Variants in MGAT4C observed in about 807,000 individuals in gnomAD.
The protein encoded by MGAT4C is MGAT4 family member C.
In MGAT4C, 19 loss-of-function variants were observed where a neutral mutation model predicts 40.1. The ratio of observed to expected loss-of-function variants is 0.47; its 90% CI spans 0.33 to 0.70. The LOEUF is 0.70. Ranked by LOEUF, MGAT4C falls within the 30% of genes least tolerant of loss-of-function variation. The probability of loss-of-function intolerance (pLI) is 0.02; values close to 1 mark genes in which losing one functional copy is unlikely to be tolerated. For synonymous variants in MGAT4C, 181 were observed against 187.1 expected, an observed-to-expected ratio of 0.97 and a Z score of 0.27; for missense variants, 491 against 563.2, an observed-to-expected ratio of 0.87 and a Z score of 1.30.
chr12:86,720,846 G>C (rs1318906703), intron 2 of MGAT4C, among the ~76,000 whole-genome samples: 2 of 152,136 alleles, frequency 1.3e-5, no homozygotes, highest in African/African-American at 2.4e-5. Flanking sequence ...TAATTAAAAT[G>C]AATCCTCTCA....
chr12:86,142,474 C>T (rs1882963919), intron 1 of MGAT4C, among the ~76,000 whole-genome samples: 1 of 152,140 alleles, frequency 6.6e-6, no homozygotes, highest in African/African-American at 2.4e-5. Context: ...AGGTATTTTA[C>T]ATCAGAATCT....
chr12:86,762,008 G>A (rs1951415576), intron 1 of MGAT4C, among the ~76,000 whole-genome samples: 1 of 151,644 alleles, frequency 6.6e-6, no homozygotes, highest in South Asian at 2.1e-4. Flanking sequence ...TGAGTCCTCT[G>A]CTCAGGGTCT....
At chr12:86,154,788 T>C (rs1362418185) in intron 1 of MGAT4C, among the ~76,000 whole-genome samples, 1 of 152,216 alleles carries the variant, frequency 6.6e-6, no homozygotes, top group Non-Finnish European at 1.5e-5. Flanking sequence ...ACTTCATCTG[T>C]ATCAATTTTT....
intron 2 of MGAT4C, among the ~76,000 whole-genome samples, chr12:86,031,233 C>G (rs1198616601): frequency 6.6e-6 from 1 of 151,732 alleles, no homozygotes; most frequent in Admixed American, 6.6e-5. Flanking sequence ...CTAATAATAA[C>G]TGAGTGAATA....
intron 3 of MGAT4C, among the ~76,000 whole-genome samples, chr12:86,363,772 GA>G (rs1445339644): frequency 2.0e-5 from 3 of 151,414 alleles, no homozygotes; most frequent in Non-Finnish European, 4.4e-5. Flanking sequence ...GAGAAATAGT[GA>G]ACAAAAATTA....
At chr12:86,136,679 T>C (rs1460885212) in intron 1 of MGAT4C, among the ~76,000 whole-genome samples, 1 of 152,116 alleles carries the variant, frequency 6.6e-6, no homozygotes, top group Non-Finnish European at 1.5e-5. Context: ...ATATCTTTGT[T>C]TTTTTGTTTT....
intron 1 of MGAT4C, among the ~76,000 whole-genome samples, chr12:86,218,284 T>C (rs1189642340): frequency 2.0e-5 from 3 of 152,182 alleles, no homozygotes; most frequent in Non-Finnish European, 2.9e-5. Flanking sequence ...TCTGGTTAAA[T>C]GATTTACTAT....
At chr12:86,216,719 C>A (rs1252608211) in intron 1 of MGAT4C, among the ~76,000 whole-genome samples, 2 of 152,086 alleles carry the variant, frequency 1.3e-5, no homozygotes, top group East Asian at 1.9e-4. Context: ...GAAAAACTAA[C>A]CTGAATACTT....
intron 1 of MGAT4C, among the ~76,000 whole-genome samples, chr12:86,833,548 C>T (rs1290584508): frequency 6.6e-6 from 1 of 151,784 alleles, no homozygotes; most frequent in African/African-American, 2.4e-5. Context: ...ACAGTCTTTC[C>T]TCTGTGTAAG....
chr12:86,826,237 C>T (rs1343495251), intron 1 of MGAT4C, among the ~76,000 whole-genome samples: 1 of 151,428 alleles, frequency 6.6e-6, no homozygotes, highest in African/African-American at 2.4e-5. Context: ...TGTTATGTGA[C>T]TCCCCAGTAT....
chr12:86,214,052 T>C (rs1247398635), intron 1 of MGAT4C, among the ~76,000 whole-genome samples: 2 of 152,232 alleles, frequency 1.3e-5, no homozygotes, highest in Non-Finnish European at 2.9e-5. Context: ...CACTCTTCTA[T>C]GGACTCCCAG....
chr12:86,413,973 G>T (rs1956655206), intron 3 of MGAT4C, among the ~76,000 whole-genome samples: 1 of 152,072 alleles, frequency 6.6e-6, no homozygotes, highest in South Asian at 2.1e-4. Context: ...AACCAGAATT[G>T]TCAGCACATA....
At chr12:86,003,291 C>CAT (rs1277319627) in intron 2 of MGAT4C, among the ~76,000 whole-genome samples, 1 of 152,134 alleles carries the variant, frequency 6.6e-6, no homozygotes, top group Non-Finnish European at 1.5e-5. Context: ...GATATATCAA[C>CAT]ATTCAGTATA....
intron 3 of MGAT4C, among the ~76,000 whole-genome samples, chr12:86,395,095 G>A (rs1039489711): frequency 6.6e-6 from 1 of 152,054 alleles, no homozygotes; most frequent in Non-Finnish European, 1.5e-5. Flanking sequence ...GATAAGTAGG[G>A]ACATTACATA....
At chr12:86,475,767 C>A (rs1252378144) in intron 2 of MGAT4C, among the ~76,000 whole-genome samples, 1 of 151,946 alleles carries the variant, frequency 6.6e-6, no homozygotes, top group Non-Finnish European at 1.5e-5. Context: ...ACAATCATTT[C>A]TTTTGAATAT....
At chr12:86,731,080 G>A (rs1950900373) in intron 1 of MGAT4C, among the ~76,000 whole-genome samples, 1 of 152,076 alleles carries the variant, frequency 6.6e-6, no homozygotes, top group Non-Finnish European at 1.5e-5. Flanking sequence ...TTTGATTCCT[G>A]TGTAGATGTC....
At chr12:86,650,368 G>A (rs1193198499) in intron 2 of MGAT4C, among the ~76,000 whole-genome samples, 1 of 151,808 alleles carries the variant, frequency 6.6e-6, no homozygotes, top group African/African-American at 2.4e-5. Flanking sequence ...TGGGCTCAAA[G>A]AGGAACCCCA....
intron 2 of MGAT4C, among the ~76,000 whole-genome samples, chr12:86,514,860 A>C (rs1004333363): frequency 3.3e-5 from 5 of 152,232 alleles, no homozygotes; most frequent in Non-Finnish European, 7.3e-5. Context: ...ACCTCATCAT[A>C]ATCTCTAGTA....
At chr12:86,446,696 T>TAC in intron 2 of MGAT4C, among the ~76,000 whole-genome samples, 1 of 128,102 alleles carries the variant, frequency 7.8e-6, no homozygotes, top group Non-Finnish European at 1.7e-5. Flanking sequence ...TATATATATA[T>TAC]ATATATATGG....
Sources: allele counts gnomAD v4.1 joint callset (sites outside exome capture counted in the v4.1 genomes callset), GRCh38; gene constraint gnomAD v4.1.1; transcripts MANE v1.5; gene names NCBI Gene and HGNC (gene_info 2026-07-23, HGNC 2026-07-21).